Variants in GML observed in about 807,000 individuals in gnomAD.
GML encodes the protein glycosylphosphatidylinositol anchored molecule like.
Under a neutral mutation model 8.2 loss-of-function variants are expected in GML, and 5 were observed. The observed-to-expected ratio is 0.61, with a 90% CI of 0.32 to 1.28. The LOEUF is 1.28. GML is among the 50% of genes most tolerant of loss of function. The probability of loss-of-function intolerance (pLI) is 0.06; values close to 1 mark genes in which losing one functional copy is unlikely to be tolerated. For missense variants in GML, 191 were observed against 198.3 expected (o/e 0.96, Z 0.22); for synonymous variants, 72 against 69.0 (o/e 1.04, Z -0.22).
chr8:142,839,411 G>A (rs1027745911), intron 1 of GML, among the ~76,000 whole-genome samples: 2 of 152,228 alleles, frequency 1.3e-5, no homozygotes, highest in Non-Finnish European at 2.9e-5. Flanking sequence ...GTGGGTACTG[G>A]ATCCTGATCA....
intron 1 of GML, among the ~76,000 whole-genome samples, chr8:142,836,311 G>T (rs927218147): frequency 2.0e-5 from 3 of 152,070 alleles, no homozygotes; most frequent in African/African-American, 4.8e-5. Flanking sequence ...TCAGTGTCCA[G>T]AGAGTTGGAG....
At chr8:142,841,767 G>A (rs554874116) in intron 3 of GML, among the ~76,000 whole-genome samples, 19 of 152,268 alleles carry the variant, frequency 1.2e-4, no homozygotes, top group African/African-American at 4.6e-4. Flanking sequence ...GCCCTAACCT[G>A]CAGAAGATGT....
Position 142,846,726 on chromosome 8 carries a change from G to T in GML, c.*36G>T, listed in dbSNP as rs762281783. On this transcript the variant is annotated 3_prime_UTR_variant, in exon 4 of 4. Transcript: ENST00000220940. The stretch of plus-strand genomic sequence containing the variant: ...TTGGAGGGTCTGACCATCTTCACCT[G>T]TTCCGCAGAGAAATGTTGCTCTCCA... 1.4e-6 allele frequency: 2 copies of T among 1,472,584 alleles called. No individual in the cohort carries two copies. The highest frequency in any genetic ancestry group is 9.4e-7 in the Non-Finnish European group (1 of 1,061,154). 91.2% of individuals were successfully genotyped at this position (1,472,584 alleles called of 1,614,324 possible).
Position 142,840,458 on chromosome 8 carries a change from C to A in GML, c.21C>A (p.Leu7=). ...AAGTGATGCTCCTCTTTGCCTTACT[C>A]CTAGCCATGGAGCTCCCATTGGTGG... MLLFAL[L]LAMELPLVAA... Residue 7 remains leucine, a synonymous_variant, in exon 2 of 4, where the codon CTC becomes CTA. Coordinates refer to ENST00000220940, the MANE Select transcript of GML (RefSeq NM_002066.3). 6.2e-7 allele frequency: 1 copy of A among 1,613,796 alleles called. No homozygotes were observed. Among genetic ancestry groups the A allele is most frequent in the Non-Finnish European group, 8.5e-7 (1 of 1,179,640 alleles).
chr8:142,838,015 G>C (rs554935740), intron 1 of GML, among the ~76,000 whole-genome samples: 1 of 147,566 alleles, frequency 6.8e-6, no homozygotes, highest in South Asian at 2.2e-4. Flanking sequence ...GCTTTCAGCT[G>C]GTGCCCAAAG....
chr8:142,844,167 G>C lies in GML; in HGVS notation c.182-2228G>C, dbSNP rs938489985. On this transcript the variant is annotated intron_variant, in intron 3 of 3. Coordinates refer to ENST00000220940, the MANE Select transcript of GML (RefSeq NM_002066.3). ...TTAGAAGAGAAATAATTCAGAAAAA[G>C]CCACATACTTCTGGTTTCTTGATCT... 4.1e-4 allele frequency among the ~76,000 whole-genome samples: 63 copies of C among 152,274 alleles called. 1 individual carries two copies. Among genetic ancestry groups the C allele is most frequent in the African/African-American group, 1.5e-3 (62 of 41,562 alleles).
chr8:142,838,672 C>A (rs1051959911), intron 1 of GML, among the ~76,000 whole-genome samples: 11 of 152,124 alleles, frequency 7.2e-5, no homozygotes, highest in Admixed American at 7.2e-4. Flanking sequence ...GCTGATGATC[C>A]ACATTTTCTA....
chr8:142,843,344 G>GGTTTACAATTTGAAACCCATCA (rs1816464388), intron 3 of GML, among the ~76,000 whole-genome samples: 1 of 149,888 alleles, frequency 6.7e-6, no homozygotes. Context: ...ATTGCAATGT[G>GGTTTACAATTTGAAACCCATCA]GTTTACAATT....
rs1223968703 is a variant in GML at position 142,846,763 on chromosome 8, T to C, written c.*73T>C. On this transcript the variant is annotated 3_prime_UTR_variant, in exon 4 of 4. Coordinates refer to ENST00000220940, the MANE Select transcript of GML (RefSeq NM_002066.3). ...AATGTTGCTCTCCATTATTCCCTTC[T>C]AAGCCAGAGACCCTTATCCACTGCT... is the stretch of plus-strand genomic sequence containing the variant. The C allele has an allele frequency of 2.6e-6, 3 of 1,148,522 alleles. No homozygotes were observed. The allele number at this position is 1,148,522 out of a possible 1,614,324, so 71.1% of individuals were successfully genotyped here. A position where few individuals can be genotyped will look rare whatever the true frequency, so the allele number is the denominator to read the frequency against.
At chr8:142,843,279 C>CACACACACACAA (rs1350013842) in intron 3 of GML, among the ~76,000 whole-genome samples, 29 of 151,914 alleles carry the variant, frequency 1.9e-4, no homozygotes, top group African/African-American at 6.8e-4. Context: ...CACACACACA[C>CACACACACACAA]ACACACACAC....
intron 3 of GML, among the ~76,000 whole-genome samples, chr8:142,845,255 C>A (rs1161126579): frequency 6.6e-6 from 1 of 152,202 alleles, no homozygotes; most frequent in Non-Finnish European, 1.5e-5. Flanking sequence ...CATACATTTC[C>A]TGTCTTTGGC....
At chr8:142,837,453 G>A (rs1331579485) in intron 1 of GML, among the ~76,000 whole-genome samples, 1 of 152,014 alleles carries the variant, frequency 6.6e-6, no homozygotes, top group Non-Finnish European at 1.5e-5. Context: ...GCTTAGAGTT[G>A]CAGCAGGTGG....
chr8:142,840,516 T>C lies in GML; in HGVS notation c.73+6T>C, dbSNP rs1472174911. 10 of 1,593,892 alleles carry C rather than the reference T, an allele frequency of 6.3e-6. No homozygotes were observed. Among genetic ancestry groups the C allele is most frequent in the Non-Finnish European group, 8.6e-6 (10 of 1,161,482 alleles). ...TGCCACCATGCGCGCTCAGTGTAAGTATCATTCCCTCTCACTGTCCTGGAG... is the reference window on the plus strand; with the variant it reads ...TGCCACCATGCGCGCTCAGTGTAAGCATCATTCCCTCTCACTGTCCTGGAG... On this transcript the variant is annotated splice_donor_region_variant and intron_variant, in intron 2 of 3. Coordinates refer to ENST00000220940, the MANE Select transcript of GML (RefSeq NM_002066.3).
intron 2 of GML, 90 bp downstream of exon 2, chr8:142,840,600 G>A (rs992561053): frequency 1.1e-6 from 1 of 911,804 alleles, no homozygotes; most frequent in Middle Eastern, 2.2e-4. Context: ...GCAACGTGGA[G>A]CAAGCCTCCG....
At chr8:142,845,654 G>A (rs1816494394) in intron 3 of GML, among the ~76,000 whole-genome samples, 1 of 152,216 alleles carries the variant, frequency 6.6e-6, no homozygotes, top group African/African-American at 2.4e-5. Context: ...GATTCTTGAA[G>A]GAGGTGTTAG....
intron 3 of GML, 100 bp from the exon 4 acceptor site, chr8:142,846,295 A>C: frequency 1.4e-6 from 1 of 727,338 alleles, no homozygotes; most frequent in Non-Finnish European, 2.4e-6. Context: ...TAGAATGTGT[A>C]CATGGAGCTA....
intron 2 of GML, 130 bp from the exon 3 acceptor site, chr8:142,840,988 G>C (rs1816423565): frequency 1.5e-6 from 1 of 653,218 alleles, no homozygotes; most frequent in East Asian, 2.7e-5. Context: ...GAGCTGAGCT[G>C]TGCAGGCTAG....
rs1434255291 is a variant in GML, at chr8:142,840,399, GGGCT to G, written c.-22-16_-22-13del. The G allele has an allele frequency of 5.3e-6, 8 of 1,511,810 alleles. No individual in the cohort carries two copies. The highest frequency in any genetic ancestry group is 5.0e-5 in the Admixed American group (3 of 59,856). The allele number at this position is 1,511,810 out of a possible 1,614,324, so 93.6% of individuals were successfully genotyped here. ...CCATGGCTCACTAACGTGTTGTATG[GGGCT>G]CCTTCCCTTCAGGTCCAGGCTCCTG... is the stretch of plus-strand genomic sequence containing the variant. On this transcript the variant is annotated splice_polypyrimidine_tract_variant and intron_variant, in intron 1 of 3. Coordinates refer to ENST00000220940, the MANE Select transcript of GML (RefSeq NM_002066.3).
intron 3 of GML, among the ~76,000 whole-genome samples, chr8:142,841,634 C>G (rs1465251756): frequency 2.6e-5 from 4 of 152,140 alleles, no homozygotes; most frequent in African/African-American, 9.7e-5. Context: ...GCCATGGACT[C>G]CCCCCAGGGA....
Sources: allele counts gnomAD v4.1 joint callset (sites outside exome capture counted in the v4.1 genomes callset), GRCh38; gene constraint gnomAD v4.1.1; transcripts MANE v1.5; gene names NCBI Gene and HGNC (gene_info 2026-07-23, HGNC 2026-07-21).